SPDL1: variants seen among roughly 807,000 people sequenced by gnomAD.
SPDL1 encodes spindle apparatus coiled-coil protein 1, also known as protein Spindly.
Under a neutral mutation model 79.5 loss-of-function variants are expected in SPDL1, and 85 were observed. The observed-to-expected ratio is 1.07, with a 90% CI of 0.90 to 1.28. The LOEUF is 1.28. Among genes scored for constraint, SPDL1 ranks in the 50% most tolerant of loss-of-function variants. The pLI, the probability that SPDL1 is intolerant of heterozygous loss-of-function variation, is 0.00. For synonymous variants in SPDL1, 269 were observed against 240.3 expected (o/e 1.12, Z -1.10); for missense variants, 703 against 697.8 (o/e 1.01, Z -0.08).
At chr5:169,597,897 G>C (rs1301420091) in intron 8 of SPDL1, among the ~76,000 whole-genome samples, 1 of 152,128 alleles carries the variant, frequency 6.6e-6, no homozygotes, top group African/African-American at 2.4e-5. Flanking sequence ...TGAAAATTAT[G>C]GCCTTAAATC....
chr5:169,586,642 A>G (rs1235333989), intron 1 of SPDL1, among the ~76,000 whole-genome samples: 3 of 152,232 alleles, frequency 2.0e-5, no homozygotes, highest in Admixed American at 6.5e-5. Context: ...TGCTCAGGCC[A>G]GAAGACTTGG....
At chr5:169,596,425 G>A (rs1755581700) in intron 7 of SPDL1, 136 bp from the exon 8 acceptor site, 1 of 677,080 alleles carries the variant, frequency 1.5e-6, no homozygotes, top group South Asian at 2.2e-5. Flanking sequence ...TTTATTATTA[G>A]ATTAGAAATA....
Position 169,604,236 on chromosome 5 carries a change from C to T in SPDL1, c.*29C>T, listed in dbSNP as rs374055650. On this transcript the variant is annotated 3_prime_UTR_variant, in exon 12 of 12. Coordinates refer to ENST00000265295, the MANE Select transcript of SPDL1 (RefSeq NM_017785.5). ...CTTGTCTTTAATAAGAGTACGGTGC[C>T]ACTTGCCTCAAAAGTTACTATGGTG... 101 of 1,516,694 alleles carry T rather than the reference C, an allele frequency of 6.7e-5. No individual in the cohort carries two copies. Among genetic ancestry groups the T allele is most frequent in the Middle Eastern group, 1.9e-4 (1 of 5,290 alleles). 94.0% of individuals were successfully genotyped at this position (1,516,694 alleles called of 1,614,324 possible). A position where few individuals can be genotyped will look rare whatever the true frequency, so the allele number is the denominator to read the frequency against.
Position 169,604,141 on chromosome 5 carries a change from G to T in SPDL1, c.1752G>T (p.Lys584Asn). The change falls in exon 12 of 12, where the codon AAG (lysine) becomes AAT (asparagine). Residue 584 changes from lysine (K) to asparagine (N), a missense_variant. By Grantham distance (94) the Lys-to-Asn change is moderately conservative. Transcript: ENST00000265295. ...TSSKLEKETC[K>N]KLHPILYVSS... Reference sequence around the variant, plus strand: ...GCAAATTGGAAAAAGAAACTTGTAAGAAATTACACCCTATTCTATATGTGT... The same window carrying T: ...GCAAATTGGAAAAAGAAACTTGTAATAAATTACACCCTATTCTATATGTGT... 2 of 1,613,340 alleles carry T rather than the reference G, an allele frequency of 1.2e-6. No individual in the cohort carries two copies. The highest frequency in any genetic ancestry group is 1.7e-6 in the Non-Finnish European group (2 of 1,179,704).
intron 2 of SPDL1, among the ~76,000 whole-genome samples, chr5:169,590,215 A>G (rs1438371156): frequency 6.6e-6 from 1 of 152,254 alleles, no homozygotes; most frequent in East Asian, 1.9e-4. Flanking sequence ...TATCTGTAGC[A>G]GGTAAAAATA....
chr5:169,598,215 C>T (rs887416767), intron 8 of SPDL1, among the ~76,000 whole-genome samples: 3 of 152,178 alleles, frequency 2.0e-5, no homozygotes, highest in Non-Finnish European at 4.4e-5. Flanking sequence ...AGGCTAGAAG[C>T]CTAGGCCTTG....
chr5:169,587,553 C>G (rs1755050565), intron 1 of SPDL1, among the ~76,000 whole-genome samples: 1 of 152,062 alleles, frequency 6.6e-6, no homozygotes, highest in African/African-American at 2.4e-5. Flanking sequence ...TTATGAATAA[C>G]TAGAAAAATA....
intron 10 of SPDL1, among the ~76,000 whole-genome samples, chr5:169,599,898 A>G (rs1755795127): frequency 6.6e-6 from 1 of 152,212 alleles, no homozygotes; most frequent in African/African-American, 2.4e-5. Flanking sequence ...CAATATAGCA[A>G]GACCCCATTC....
In SPDL1 at chr5:169,594,165, G is replaced by T; in HGVS notation, c.552G>T (p.Val184=). The change falls in exon 5 of 12, where the codon GTG becomes GTT. Residue 184 remains valine (V), a synonymous_variant. Transcript: ENST00000265295. ...ESMKTTLKEE[V]NELQYRQEQL... is the part of the protein sequence containing the mutation. ...AATAGACCACCCTCAAAGAAGAAGT[G>T]AATGAACTACAATACAGACAAGAAC... The T allele has an allele frequency of 1.2e-6, 2 of 1,606,190 alleles. No individual in the cohort carries two copies. Among genetic ancestry groups the T allele is most frequent in the South Asian group, 2.3e-5 (2 of 88,860 alleles).
At chr5:169,603,237 A>T (rs1756027822) in intron 11 of SPDL1, among the ~76,000 whole-genome samples, 1 of 152,140 alleles carries the variant, frequency 6.6e-6, no homozygotes, top group South Asian at 2.1e-4. Flanking sequence ...TTTATTGGGA[A>T]CTTCACTATT....
chr5:169,596,186 AT>A (rs1755570344), intron 7 of SPDL1: 1 of 159,638 alleles, frequency 6.3e-6, no homozygotes. Context: ...ATTAAAGTTA[AT>A]TAAAAATTTT....
rs112811981 is a variant in SPDL1, at chr5:169,590,838, T to G, written c.160-210T>G. ...GGCACAGAAGCAGTAAGGTATCCCT[T>G]GCATGGGTTTAACATAGTTTCGAAA... On this transcript the variant is annotated intron_variant, in intron 2 of 11. Transcript: ENST00000265295. 2.5e-3 allele frequency: 1,475 copies of G among 601,136 alleles called. 23 individuals carry two copies. The highest frequency in any genetic ancestry group is 0.024 in the African/African-American group (1,318 of 55,136). 37.2% of individuals were successfully genotyped at this position (601,136 alleles called of 1,614,324 possible).
At chr5:169,587,046 C>A (rs1308291000) in intron 1 of SPDL1, among the ~76,000 whole-genome samples, 1 of 152,184 alleles carries the variant, frequency 6.6e-6, no homozygotes, top group East Asian at 1.9e-4. Flanking sequence ...TTCTAAATAG[C>A]TGCCTGGCTG....
At position 169,593,207 on chromosome 5, in the gene SPDL1, T is replaced by C. The variant is rs934288096; in HGVS notation, c.337-147T>C. 5 of 648,686 alleles carry C rather than the reference T, an allele frequency of 7.7e-6. No individual in the cohort carries two copies. The East Asian group carries it at 1.1e-4, about 15-fold the overall frequency. The allele number at this position is 648,686 out of a possible 1,614,324, so 40.2% of individuals were successfully genotyped here. A position where few individuals can be genotyped will look rare whatever the true frequency, so the allele number is the denominator to read the frequency against. On this transcript the variant is annotated intron_variant, in intron 3 of 11. Coordinates refer to ENST00000265295, the MANE Select transcript of SPDL1 (RefSeq NM_017785.5). ...ATGTTTATTAAACAAGGTGTGTCACTAGCTGTTAAAAGATGCCTAACCTTG... is the reference window on the plus strand; with the variant it reads ...ATGTTTATTAAACAAGGTGTGTCACCAGCTGTTAAAAGATGCCTAACCTTG...
intron 1 of SPDL1, 113 bp from the exon 2 acceptor site, chr5:169,588,281 T>G: frequency 2.9e-6 from 2 of 687,354 alleles, no homozygotes; most frequent in Non-Finnish European, 4.5e-6. Context: ...GGAAGAAAAT[T>G]TTAATGTTTT....
intron 7 of SPDL1, among the ~76,000 whole-genome samples, chr5:169,594,936 C>A (rs963810417): frequency 6.6e-6 from 1 of 152,124 alleles, no homozygotes; most frequent in African/African-American, 2.4e-5. Flanking sequence ...CTAGCTTTGA[C>A]TTAAATCTTT....
At chr5:169,597,384 T>C (rs1343008088) in intron 8 of SPDL1, among the ~76,000 whole-genome samples, 2 of 152,126 alleles carry the variant, frequency 1.3e-5, no homozygotes, top group African/African-American at 4.8e-5. Context: ...CAAGTTTCCA[T>C]ATATACTTGA....
chr5:169,590,278 C>G (rs1755207331), intron 2 of SPDL1, among the ~76,000 whole-genome samples: 1 of 152,112 alleles, frequency 6.6e-6, no homozygotes, highest in South Asian at 2.1e-4. Flanking sequence ...AAACCAAGAA[C>G]TGAGTGCAAA....
rs1156721695 is a variant in SPDL1 at position 169,601,505 on chromosome 5, A to G, written c.1550A>G (p.His517Arg). Residue 517 changes from histidine to arginine, a missense_variant, in exon 11 of 12, where the codon CAC becomes CGC. His to Arg is a conservative substitution (Grantham distance 29). Transcript: ENST00000265295. ...IYTPVVSLSPHKNLPVDMQLK... is the reference protein window; with the variant it reads ...IYTPVVSLSPRKNLPVDMQLK... ...ACACCAGTAGTCAGTCTCTCTCCTC[A>G]CAAAAATCTGCCCGTGGATATGCAG... 2 of 1,614,186 alleles carry G rather than the reference A, an allele frequency of 1.2e-6. No individual in the cohort carries two copies. The highest frequency in any genetic ancestry group is 1.7e-6 in the Non-Finnish European group (2 of 1,180,016).
Sources: gnomAD v4.1 joint callset for allele counts (sites outside exome capture counted in the v4.1 genomes callset) on GRCh38, gnomAD v4.1.1 for gene constraint, MANE v1.5 for transcripts, NCBI Gene and HGNC (gene_info 2026-07-23, HGNC 2026-07-21) for gene names.